ARMC6: variants seen among roughly 807,000 people sequenced by gnomAD.
ARMC6 encodes the protein armadillo repeat containing 6.
In ARMC6, 43 loss-of-function variants were observed where a neutral mutation model predicts 49.2. That is an observed-to-expected ratio of 0.87 (90% CI 0.69 to 1.13). The LOEUF is 1.13. Ranked by LOEUF, ARMC6 falls within the 50% of genes most tolerant of loss-of-function variation. The pLI, the probability that ARMC6 is intolerant of heterozygous loss-of-function variation, is 0.00. For missense variants in ARMC6, 627 were observed against 682.0 expected (o/e 0.92, Z 0.90); for synonymous variants, 262 against 289.6 (o/e 0.90, Z 0.97).
chr19:19,052,303 TCC>T, intron 5 of ARMC6, 108 bp downstream of exon 5: 1 of 1,062,864 alleles, frequency 9.4e-7, no homozygotes, highest in Non-Finnish European at 1.3e-6. Flanking sequence ...GGCTCAAGGC[TCC>T]ACTCGCCCCT....
chr19:19,047,006 T>C (rs752980765), intron 4 of ARMC6, among the ~76,000 whole-genome samples: 262 of 145,616 alleles, frequency 1.8e-3, no homozygotes, highest in Non-Finnish European at 2.3e-3. Context: ...CATGCTAGAG[T>C]GCAATGGCAG....
At position 19,054,344 on chromosome 19, in the gene ARMC6, T is replaced by C. The variant is rs1599649626; in HGVS notation, c.1023+23T>C. Reference sequence around the variant, plus strand: ...CAGGTATGAAGTCCCCCTGGCCCATTGCGTGCTGTCCTTCTGGGTCCCAGT... The same window carrying C: ...CAGGTATGAAGTCCCCCTGGCCCATCGCGTGCTGTCCTTCTGGGTCCCAGT... On this transcript the variant is annotated intron_variant, in intron 6 of 8. Transcript: ENST00000535612. 22 of 1,505,346 alleles carry C rather than the reference T, an allele frequency of 1.5e-5. No homozygotes were observed. In the East Asian group the frequency reaches 5.3e-4, roughly 37 times the overall value. The allele number at this position is 1,505,346 out of a possible 1,614,324, so 93.2% of individuals were successfully genotyped here.
intron 5 of ARMC6, among the ~76,000 whole-genome samples, chr19:19,053,268 G>A (rs1187372767): frequency 2.0e-5 from 3 of 152,128 alleles, no homozygotes; most frequent in Non-Finnish European, 2.9e-5. Flanking sequence ...TAGAAGGATT[G>A]TTTGGGCCCA....
rs374953848 is a variant in ARMC6, at chr19:19,040,860, G to C, written c.30-1851G>C. 2.3e-5 allele frequency: 8 copies of C among 343,620 alleles called. No individual in the cohort carries two copies. The East Asian group carries it at 4.2e-4, about 18-fold the overall frequency. 21.3% of individuals were successfully genotyped at this position (343,620 alleles called of 1,614,324 possible). A position where few individuals can be genotyped will look rare whatever the true frequency, so the allele number is the denominator to read the frequency against. On this transcript the variant is annotated intron_variant, in intron 2 of 8. Transcript: ENST00000535612. The stretch of plus-strand genomic sequence containing the variant: ...CTGGATTTTTTTTTAATGCTCACTT[G>C]TCTCATCTGTAGCTACCAGGCATCC...
rs781073323 is a variant in ARMC6 at position 19,057,588 on chromosome 19, G to A, written c.1466G>A (p.Arg489Gln). The change falls in exon 9 of 9, where the codon CGA (arginine) becomes CAA (glutamine). Residue 489 changes from arginine (R) to glutamine (Q), a missense_variant. By Grantham distance (43) the Arg-to-Gln change is conservative. Transcript: ENST00000535612. Reference sequence around the variant, plus strand: ...GACCTGGGTTGTCATGTCGAGCTCCGAGAGCTGTGGACAGGCCAGAGGGGC... The same window carrying A: ...GACCTGGGTTGTCATGTCGAGCTCCAAGAGCTGTGGACAGGCCAGAGGGGC... ...LRDLGCHVEL[R>Q]ELWTGQRGNL... is the part of the protein sequence containing the mutation. 2.0e-5 allele frequency: 32 copies of A among 1,613,414 alleles called. No individual in the cohort carries two copies. Among genetic ancestry groups the A allele is most frequent in the South Asian group, 4.4e-5 (4 of 91,080 alleles).
At chr19:19,044,696 T>C (rs552843804) in intron 4 of ARMC6, among the ~76,000 whole-genome samples, 1 of 152,362 alleles carries the variant, frequency 6.6e-6, no homozygotes, top group South Asian at 2.1e-4. Flanking sequence ...CAGGTACTTT[T>C]TTCCTGTCTT....
rs915581895 is a variant in ARMC6 at position 19,051,979 on chromosome 19, C to G, written c.637C>G (p.Arg213Gly). The G allele has an allele frequency of 3.1e-6, 5 of 1,614,010 alleles. No homozygotes were observed. The South Asian group carries it at 4.4e-5, about 14-fold the overall frequency. The change falls in exon 5 of 9, where the codon CGG (arginine) becomes GGG (glycine). Residue 213 changes from arginine to glycine, a missense_variant. Coordinates refer to ENST00000535612, the MANE Select transcript of ARMC6 (RefSeq NM_001199196.2). ...RHACLKHEQNRQDLVKAGVLP... is the reference protein window; with the variant it reads ...RHACLKHEQNGQDLVKAGVLP... Reference sequence around the variant, plus strand: ...CGCTTGCCTGAAACATGAACAGAATCGGCAAGACCTGGTGAAAGCTGGCGT... The same window carrying G: ...CGCTTGCCTGAAACATGAACAGAATGGGCAAGACCTGGTGAAAGCTGGCGT...
At position 19,055,378 on chromosome 19, in the gene ARMC6, G is replaced by A; in HGVS notation, c.1137G>A (p.Gln379=). 1 of 1,609,880 alleles carries A rather than the reference G, an allele frequency of 6.2e-7. No homozygotes were observed. ...GTESIVAAMT[Q]HLTSPQVCEQ... is the part of the protein sequence containing the mutation. ...AGTCCATCGTGGCTGCTATGACCCA[G>A]CATCTGACCAGCCCCCAGGTACCCA... is the stretch of plus-strand genomic sequence containing the variant. The change falls in exon 7 of 9, where the codon CAG becomes CAA. Residue 379 remains glutamine, a synonymous_variant. Coordinates refer to ENST00000535612, the MANE Select transcript of ARMC6 (RefSeq NM_001199196.2). This position sits in a 1 kb window ranked among gnomAD's most constrained non-coding sequence, Gnocchi z 5.7.
At position 19,052,067 on chromosome 19, in the gene ARMC6, C is replaced by T. The variant is rs867418111; in HGVS notation, c.725C>T (p.Ala242Val). ...HGHHTDVVRE[A>V]CWALRVMTFD... ...CACCACACTGACGTGGTCAGGGAAG[C>T]CTGCTGGGCCCTGCGTGTCATGACC... Residue 242 changes from alanine (A) to valine (V), a missense_variant, in exon 5 of 9, where the codon GCC becomes GTC. Physicochemically the swap from Ala to Val is moderately conservative, Grantham distance 64 (BLOSUM62 0). Transcript: ENST00000535612. 6.2e-7 allele frequency: 1 copy of T among 1,613,968 alleles called. No homozygotes were observed. Among genetic ancestry groups the T allele is most frequent in the South Asian group, 1.1e-5 (1 of 91,086 alleles).
chr19:19,055,783 C>T lies in ARMC6; in HGVS notation c.1156-8C>T. 6.5e-7 allele frequency: 1 copy of T among 1,548,458 alleles called. No individual in the cohort carries two copies. The highest frequency in any genetic ancestry group is 8.8e-7 in the Non-Finnish European group (1 of 1,137,424). On this transcript the variant is annotated splice_region_variant and splice_polypyrimidine_tract_variant and intron_variant, in intron 7 of 8. Coordinates refer to ENST00000535612, the MANE Select transcript of ARMC6 (RefSeq NM_001199196.2). This position sits in a 1 kb window ranked among gnomAD's most constrained non-coding sequence, Gnocchi z 5.7. ...GCATCTCAGCCTTTCTGTGACTGGC[C>T]CCTGCAGGTGTGTGAGCAGAGCTGC...
chr19:19,057,736 A>T lies in ARMC6; in HGVS notation c.*108A>T. On this transcript the variant is annotated 3_prime_UTR_variant, in exon 9 of 9. Coordinates refer to ENST00000535612, the MANE Select transcript of ARMC6 (RefSeq NM_001199196.2). ...CATTAGTTCTGTCCCCTTCACAATGAGAAGTGTTTTCTGGCAGGCCCTAGG... is the reference window on the plus strand; with the variant it reads ...CATTAGTTCTGTCCCCTTCACAATGTGAAGTGTTTTCTGGCAGGCCCTAGG... The T allele has an allele frequency of 4.8e-6, 4 of 839,780 alleles. No individual in the cohort carries two copies. Among genetic ancestry groups the T allele is most frequent in the Non-Finnish European group, 7.5e-6 (4 of 532,196 alleles). 52.0% of individuals were successfully genotyped at this position (839,780 alleles called of 1,614,324 possible).
At position 19,052,243 on chromosome 19, in the gene ARMC6, A is replaced by C. The variant is rs757525287; in HGVS notation, c.853+48A>C. ...AGCCAGCGAACAAAGTGGGCGGGTC[A>C]GATGTGACCAGAGTGAGGGTCAGGG... is the stretch of plus-strand genomic sequence containing the variant. On this transcript the variant is annotated intron_variant, in intron 5 of 8. Transcript: ENST00000535612. 20 of 1,499,918 alleles carry C rather than the reference A, an allele frequency of 1.3e-5. No individual in the cohort carries two copies. The East Asian group carries it at 4.7e-4, about 35-fold the overall frequency. 92.9% of individuals were successfully genotyped at this position (1,499,918 alleles called of 1,614,324 possible).
chr19:19,045,493 C>CTTTTTTTTTTTTTTTTTTTTTTTTTTTTT (rs11270900), intron 4 of ARMC6, among the ~76,000 whole-genome samples: 2 of 89,118 alleles, frequency 2.2e-5, no homozygotes, highest in Non-Finnish European at 4.1e-5. Context: ...ATGCTAAATT[C>CTTTTTTTTTTTTTTTTTTTTTTTTTTTTT]TTTTTTTTTT....
chr19:19,057,752 A>C lies in ARMC6; in HGVS notation c.*124A>C, dbSNP rs1219670841. Reference sequence around the variant, plus strand: ...TTCACAATGAGAAGTGTTTTCTGGCAGGCCCTAGGTAAAGGGTCGGGGGAG... The same window carrying C: ...TTCACAATGAGAAGTGTTTTCTGGCCGGCCCTAGGTAAAGGGTCGGGGGAG... On this transcript the variant is annotated 3_prime_UTR_variant, in exon 9 of 9. Coordinates refer to ENST00000535612, the MANE Select transcript of ARMC6 (RefSeq NM_001199196.2). 1.2e-6 allele frequency: 1 copy of C among 822,678 alleles called. No homozygotes were observed. Among genetic ancestry groups the C allele is most frequent in the East Asian group, 3.1e-5 (1 of 32,518 alleles). The allele number at this position is 822,678 out of a possible 1,614,324, so 51.0% of individuals were successfully genotyped here. A position where few individuals can be genotyped will look rare whatever the true frequency, so the allele number is the denominator to read the frequency against.
At chr19:19,040,746 C>G in intron 2 of ARMC6, 1 of 448,670 alleles carries the variant, frequency 2.2e-6, no homozygotes, top group Non-Finnish European at 4.5e-6. Context: ...CCTCTGTGCT[C>G]AAGTGGTTCT....
chr19:19,056,029 G>A, intron 8 of ARMC6, 101 bp downstream of exon 8: 1 of 1,389,484 alleles, frequency 7.2e-7, no homozygotes, highest in Non-Finnish European at 9.7e-7. Flanking sequence ...TGGGTGATGG[G>A]GCAAAGGCTC....
intron 2 of ARMC6, chr19:19,040,645 A>T: frequency 3.1e-6 from 1 of 319,634 alleles, no homozygotes; most frequent in Admixed American, 4.2e-5. Flanking sequence ...ATGAAAGCAC[A>T]GAGTTTGACT....
chr19:19,056,008 C>T (rs182571940), intron 8 of ARMC6, 80 bp downstream of exon 8: 18 of 1,478,948 alleles, frequency 1.2e-5, no homozygotes, highest in African/African-American at 6.9e-5. Flanking sequence ...GGAGCAGGTG[C>T]GGTGTGCGGG....
At chr19:19,046,968 T>G (rs895021179) in intron 4 of ARMC6, among the ~76,000 whole-genome samples, 1 of 148,342 alleles carries the variant, frequency 6.7e-6, no homozygotes, top group African/African-American at 2.5e-5. Flanking sequence ...TTTTTTTTTT[T>G]TTTGACACAA....
Sources: gnomAD v4.1 joint callset for allele counts (sites outside exome capture counted in the v4.1 genomes callset) on GRCh38, gnomAD v4.1.1 for gene constraint, Gnocchi (gnomAD v3.1) non-coding constraint, MANE v1.5 for transcripts, NCBI Gene and HGNC (gene_info 2026-07-23, HGNC 2026-07-21) for gene names.